The following VWF variants were observed in gnomAD, a reference collection of about 807,000 sequenced individuals.
VWF encodes the protein Factor VIII related antigen.
Under a neutral mutation model 308.6 loss-of-function variants are expected in VWF, and 176 were observed. That is an observed-to-expected ratio of 0.57 (90% CI 0.50 to 0.65). The LOEUF (loss-of-function observed/expected upper bound fraction) is 0.65. VWF is among the 30% of genes least tolerant of loss of function. VWF has a pLI of 0.00. For synonymous variants in VWF, 1,385 were observed against 1,443.4 expected, an observed-to-expected ratio of 0.96 and a Z score of 0.92; for missense variants, 3,146 against 3,648.2, an observed-to-expected ratio of 0.86 and a Z score of 3.55.
intron 43 of VWF, among the ~76,000 whole-genome samples, chr12:5,973,946 T>C (rs1943505804): frequency 6.6e-6 from 1 of 152,034 alleles, no homozygotes; most frequent in Non-Finnish European, 1.5e-5. Context: ...CTTAGAACAT[T>C]CCTGAGAAGC....
intron 3 of VWF, among the ~76,000 whole-genome samples, chr12:6,112,965 G>A (rs780247921): frequency 6.6e-6 from 1 of 152,158 alleles, no homozygotes; most frequent in African/African-American, 2.4e-5. Flanking sequence ...GAAATTCAGT[G>A]AGGGCTCTCC....
rs1944117001 is a variant in VWF at position 6,020,424 on chromosome 12, A to T, written c.3675-681T>A. On this transcript the variant is annotated intron_variant, in intron 27 of 51. Transcript: ENST00000261405. The surrounding 1 kb of genome is among the most constrained non-coding windows in gnomAD (Gnocchi z 4.3). ...AGACATTCACTCATTCCTCCAGCAG[A>T]CATAGGGTGAGCACCTCTCATGTGC... Among the ~76,000 whole-genome samples the T allele has an allele frequency of 6.6e-6, 1 of 152,224 alleles. No homozygotes were observed. The highest frequency in any genetic ancestry group is 2.4e-5 in the African/African-American group (1 of 41,468).
intron 2 of VWF, 142 bp from the exon 3 acceptor site, chr12:6,121,480 A>G (rs1420706628): frequency 9.6e-7 from 1 of 1,039,718 alleles, no homozygotes; most frequent in Non-Finnish European, 1.4e-6. Context: ...CCTAAATGAG[A>G]CTAAAGCTGT....
In VWF at chr12:6,079,464, G is replaced by T. The variant is rs142034056; in HGVS notation, c.658-3913C>A. On this transcript the variant is annotated intron_variant, in intron 6 of 51. Coordinates refer to ENST00000261405, the MANE Select transcript of VWF (RefSeq NM_000552.5). ...TACTAAAAATACAAAAAAAAAATTA[G>T]CCGGGCATGGTGGCGGGCACCTGTA... Among the ~76,000 whole-genome samples, 138 of 152,022 alleles carry T rather than the reference G, an allele frequency of 9.1e-4. 1 individual carries two copies. Among genetic ancestry groups the T allele is most frequent in the Middle Eastern group, 3.4e-3 (1 of 294 alleles).
In VWF at chr12:6,034,700, G is replaced by T. The variant is rs753317915; in HGVS notation, c.2673C>A (p.Tyr891Ter). The T allele has an allele frequency of 6.2e-7, 1 of 1,613,976 alleles. No homozygotes were observed. The highest frequency in any genetic ancestry group is 8.5e-7 in the Non-Finnish European group (1 of 1,179,950). The change falls in exon 20 of 52, where the codon TAC becomes TAA. Residue 891 changes from tyrosine (Y) to a stop codon, truncating the protein, a stop_gained. Coordinates refer to ENST00000261405, the MANE Select transcript of VWF (RefSeq NM_000552.5). LOFTEE classifies it high-confidence loss of function. Reference protein sequence around the residue: ...LKYLFPGECQYVLVQDYCGSN... With the variant: ...LKYLFPGECQ The stretch of plus-strand genomic sequence containing the variant: ...CCCCACCTCTCACCTGCACCAGAAC[G>T]TACTGGCACTCCCCGGGGAACAGGT...
At chr12:6,052,839 T>C (rs1252897922) in intron 15 of VWF, 56 bp from the exon 16 acceptor site, 2 of 1,582,204 alleles carry the variant, frequency 1.3e-6, no homozygotes, top group Non-Finnish European at 1.7e-6. Context: ...GCAAGGACTG[T>C]GGTTCTAGGA....
At chr12:6,059,339 C>T (rs1399890821) in intron 13 of VWF, among the ~76,000 whole-genome samples, 2 of 152,192 alleles carry the variant, frequency 1.3e-5, no homozygotes, top group African/African-American at 4.8e-5. Flanking sequence ...GTCTGTCTCT[C>T]TCCATTAGAA....
At position 6,063,123 on chromosome 12, in the gene VWF, T is replaced by C. The variant is rs749814521; in HGVS notation, c.1433-69A>G. 38 of 1,329,372 alleles carry C rather than the reference T, an allele frequency of 2.9e-5. No homozygotes were observed. The highest frequency in any genetic ancestry group is 3.5e-5 in the Non-Finnish European group (33 of 937,722). The allele number at this position is 1,329,372 out of a possible 1,614,324, so 82.3% of individuals were successfully genotyped here. A position where few individuals can be genotyped will look rare whatever the true frequency, so the allele number is the denominator to read the frequency against. ...ACAGGGTGGTGGCAGGCAGATGTATTTGGGAGGAAATGGGGTGTCTCAAAA... is the reference window on the plus strand; with the variant it reads ...ACAGGGTGGTGGCAGGCAGATGTATCTGGGAGGAAATGGGGTGTCTCAAAA... On this transcript the variant is annotated intron_variant, in intron 12 of 51. Coordinates refer to ENST00000261405, the MANE Select transcript of VWF (RefSeq NM_000552.5). The surrounding 1 kb of genome is among the most constrained non-coding windows in gnomAD (Gnocchi z 4.9).
At chr12:6,111,785 C>T (rs1223665600) in intron 3 of VWF, among the ~76,000 whole-genome samples, 1 of 151,772 alleles carries the variant, frequency 6.6e-6, no homozygotes, top group East Asian at 1.9e-4. Flanking sequence ...CCCGTCTCTA[C>T]TAAAAATATG....
chr12:6,042,298 A>G (rs1207054836), intron 18 of VWF, among the ~76,000 whole-genome samples: 1 of 152,008 alleles, frequency 6.6e-6, no homozygotes, highest in Non-Finnish European at 1.5e-5. Context: ...CCAAGCCCTT[A>G]GTGACATCCC....
intron 6 of VWF, among the ~76,000 whole-genome samples, chr12:6,087,807 T>C (rs1354112363): frequency 1.3e-5 from 2 of 152,122 alleles, no homozygotes; most frequent in Non-Finnish European, 2.9e-5. Flanking sequence ...GAGCCTAAGA[T>C]TCCTAACATT....
intron 41 of VWF, among the ~76,000 whole-genome samples, chr12:5,982,719 T>A (rs1943620603): frequency 6.6e-6 from 1 of 152,168 alleles, no homozygotes; most frequent in African/African-American, 2.4e-5. Flanking sequence ...ATGTTTAAGT[T>A]ACAGTATATA....
chr12:6,057,943 C>G lies in VWF; in HGVS notation c.1635G>C (p.Arg545=), dbSNP rs768712780. 5 of 1,613,726 alleles carry G rather than the reference C, an allele frequency of 3.1e-6. No individual in the cohort carries two copies. In the South Asian group the frequency reaches 5.5e-5, roughly 18 times the overall value. ...TCCAGGCGTTCCCGAAGTCCTCCAC[C>G]CGGGGCTCCGCCAGCCCAGAGGGGG... The part of the protein sequence containing the change: ...FLTPSGLAEP[R]VEDFGNAWKL... Residue 545 remains arginine (R), a synonymous_variant, in exon 14 of 52, where the codon CGG becomes CGC. Transcript: ENST00000261405.
Position 5,970,162 on chromosome 12 carries a change from G to A in VWF, c.7549-771C>T, listed in dbSNP as rs535854964. Among the ~76,000 whole-genome samples, 8 of 152,168 alleles carry A rather than the reference G, an allele frequency of 5.3e-5. No individual in the cohort carries two copies. The South Asian group carries it at 1.2e-3, about 24-fold the overall frequency. Reference sequence around the variant, plus strand: ...CTCCCTGTGGCCAAATCTTCCCACTGCAGGCCTGATTCCACCCTCCAGACT... The same window carrying A: ...CTCCCTGTGGCCAAATCTTCCCACTACAGGCCTGATTCCACCCTCCAGACT... On this transcript the variant is annotated intron_variant, in intron 44 of 51. Transcript: ENST00000261405.
intron 20 of VWF, 31 bp downstream of exon 20, chr12:6,034,657 A>G (rs2136430530): frequency 6.2e-7 from 1 of 1,613,520 alleles, no homozygotes. Context: ...AGAAAGAAAC[A>G]GCACCCTCTC....
At chr12:6,044,561 G>A (rs1381105690) in intron 17 of VWF, 110 bp from the exon 18 acceptor site, 29 of 1,410,192 alleles carry the variant, frequency 2.1e-5, no homozygotes, top group Non-Finnish European at 2.7e-5. Context: ...GAGACTCAGA[G>A]TTGCCCACTC....
Position 6,058,121 on chromosome 12 carries a change from T to TA in VWF, c.1534-78_1534-77insT. ...TAGTTGTTTAGCTAATGAGATGGTT[T>TA]TAATAAAAAAAAAAAAGTTCCCCGG... On this transcript the variant is annotated intron_variant, in intron 13 of 51. Transcript: ENST00000261405. This position sits in a 1 kb window ranked among gnomAD's most constrained non-coding sequence, Gnocchi z 4.9. 1 of 1,530,024 alleles carries TA rather than the reference T, an allele frequency of 6.5e-7. No homozygotes were observed. The highest frequency in any genetic ancestry group is 2.1e-5 in the Admixed American group (1 of 48,744). 94.8% of individuals were successfully genotyped at this position (1,530,024 alleles called of 1,614,324 possible).
intron 13 of VWF, among the ~76,000 whole-genome samples, chr12:6,059,664 C>T (rs570529764): frequency 6.6e-6 from 1 of 152,316 alleles, no homozygotes; most frequent in Admixed American, 6.5e-5. Context: ...AAATCTCATT[C>T]TTCATCATCT....
At chr12:6,093,393 T>G (rs899711225) in intron 6 of VWF, among the ~76,000 whole-genome samples, 6 of 152,148 alleles carry the variant, frequency 3.9e-5, no homozygotes, top group Non-Finnish European at 8.8e-5. Context: ...CCACTCCACC[T>G]TCCAGAGCTC....
Sources: gnomAD v4.1 joint callset for allele counts (sites outside exome capture counted in the v4.1 genomes callset) on GRCh38, gnomAD v4.1.1 for gene constraint, Gnocchi (gnomAD v3.1) non-coding constraint, MANE v1.5 for transcripts, NCBI Gene and HGNC (gene_info 2026-07-23, HGNC 2026-07-21) for gene names.